The following GNB5 variants were observed in gnomAD, a reference collection of about 807,000 sequenced individuals.
The protein encoded by GNB5 is G protein subunit beta 5.
In GNB5, 37 loss-of-function variants were observed where a neutral mutation model predicts 55.3. The observed-to-expected ratio is 0.67, with a 90% CI of 0.51 to 0.88. The LOEUF (loss-of-function observed/expected upper bound fraction) is 0.88. Ranked by LOEUF, GNB5 falls within the 40% of genes least tolerant of loss-of-function variation. GNB5 has a pLI of 0.00. For missense variants in GNB5, 476 were observed against 515.3 expected, an observed-to-expected ratio of 0.92 and a Z score of 0.74; for synonymous variants, 219 against 198.5, an observed-to-expected ratio of 1.10 and a Z score of -0.87.
chr15:52,162,410 T>C (rs2034354743), intron 3 of GNB5, among the ~76,000 whole-genome samples: 1 of 152,004 alleles, frequency 6.6e-6, no homozygotes, highest in Non-Finnish European at 1.5e-5. Context: ...ATTTATAAAG[T>C]GAAAATTCAC....
At chr15:52,135,030 C>G (rs971420716) in intron 8 of GNB5, among the ~76,000 whole-genome samples, 1 of 152,044 alleles carries the variant, frequency 6.6e-6, no homozygotes. Context: ...ACCCTGACTC[C>G]TAGTCTAGTG....
chr15:52,150,728 T>C (rs1249142412), intron 4 of GNB5, among the ~76,000 whole-genome samples: 2 of 152,176 alleles, frequency 1.3e-5, no homozygotes, highest in Non-Finnish European at 2.9e-5. Flanking sequence ...TACAGCATCA[T>C]CTATTTGTAA....
intron 3 of GNB5, among the ~76,000 whole-genome samples, chr15:52,169,811 A>C (rs764947690): frequency 6.6e-6 from 1 of 152,188 alleles, no homozygotes; most frequent in Non-Finnish European, 1.5e-5. Flanking sequence ...AATGTTTGTG[A>C]TCTATCCATC....
chr15:52,152,926 G>A (rs910491990), intron 4 of GNB5, among the ~76,000 whole-genome samples: 2 of 152,224 alleles, frequency 1.3e-5, no homozygotes, highest in Admixed American at 1.3e-4. Context: ...TAACCAGCCT[G>A]TAGAATATGT....
chr15:52,183,106 C>A (rs921432516), intron 2 of GNB5, among the ~76,000 whole-genome samples: 3 of 152,152 alleles, frequency 2.0e-5, no homozygotes, highest in African/African-American at 7.2e-5. Flanking sequence ...GAGCCGAGAT[C>A]GTGCCACTGC....
chr15:52,182,877 C>T (rs1442270902), intron 2 of GNB5, among the ~76,000 whole-genome samples: 4 of 152,130 alleles, frequency 2.6e-5, no homozygotes, highest in African/African-American at 9.7e-5. Flanking sequence ...GTGGGCCGGG[C>T]GCAGTGGTTC....
At chr15:52,126,201 G>A (rs962268850) in intron 10 of GNB5, 157 bp from the exon 11 acceptor site, 3 of 563,280 alleles carry the variant, frequency 5.3e-6, no homozygotes, top group African/African-American at 3.8e-5. Flanking sequence ...CTTTAGTCCC[G>A]ACTCCTGTTA....
intron 3 of GNB5, among the ~76,000 whole-genome samples, chr15:52,178,509 A>G (rs911728386): frequency 6.6e-6 from 1 of 152,198 alleles, no homozygotes; most frequent in Non-Finnish European, 1.5e-5. Flanking sequence ...TGGAGAAGAA[A>G]GGCAGAAGGA....
Position 52,117,114 on chromosome 15 carries a change from T to TTTTTTTTTTTTTTGG in GNB5, c.*5642_*5643insCCAAAAAAAAAAAAA, listed in dbSNP as rs1341100858. 2.3e-5 allele frequency: 2 copies of TTTTTTTTTTTTTTGG among 85,592 alleles called. No homozygotes were observed. The highest frequency in any genetic ancestry group is 1.1e-4 in the African/African-American group (2 of 18,750). The allele number at this position is 85,592 out of a possible 1,614,324, so 5.3% of individuals were successfully genotyped here. A position where few individuals can be genotyped will look rare whatever the true frequency, so the allele number is the denominator to read the frequency against. ...AATATATATATATATTTTTTTTTAG[T>TTTTTTTTTTTTTTGG]ACAGACAGGGTTTCACCGTGTTAGC... On this transcript the variant is annotated 3_prime_UTR_variant, in exon 13 of 13. Coordinates refer to ENST00000261837, the MANE Select transcript of GNB5 (RefSeq NM_016194.4).
rs12900975 is a variant in GNB5, at chr15:52,121,503, T to A, written c.*1254A>T. 27 of 66,148 alleles carry A rather than the reference T, an allele frequency of 4.1e-4. No individual in the cohort carries two copies. Among genetic ancestry groups the A allele is most frequent in the African/African-American group, 1.5e-3 (24 of 15,722 alleles). The allele number at this position is 66,148 out of a possible 1,614,324, so 4.1% of individuals were successfully genotyped here. A position where few individuals can be genotyped will look rare whatever the true frequency, so the allele number is the denominator to read the frequency against. On this transcript the variant is annotated 3_prime_UTR_variant, in exon 13 of 13. Transcript: ENST00000261837. ...CTGAGTCTCAAATAAAGAGAAGATC[T>A]TCTTTTAATATCGTTTTTCTATGTA...
Position 52,117,102 on chromosome 15 carries a change from A to ATATATATATATATATATATAAT in GNB5, c.*5654_*5655insATTATATATATATATATATATA. ...CCACGCCCAGCTAATATATATATAT[A>ATATATATATATATATATATAAT]TTTTTTTTTAGTACAGACAGGGTTT... is the stretch of plus-strand genomic sequence containing the variant. On this transcript the variant is annotated 3_prime_UTR_variant, in exon 13 of 13. Transcript: ENST00000261837. 44 of 87,094 alleles carry ATATATATATATATATATATAAT rather than the reference A, an allele frequency of 5.1e-4. 4 individuals carry two copies. Among genetic ancestry groups the ATATATATATATATATATATAAT allele is most frequent in the African/African-American group, 2.5e-3 (41 of 16,440 alleles). The allele number at this position is 87,094 out of a possible 1,614,324, so 5.4% of individuals were successfully genotyped here.
intron 3 of GNB5, among the ~76,000 whole-genome samples, chr15:52,154,509 A>T (rs773084807): frequency 1.4e-4 from 21 of 152,194 alleles, no homozygotes; most frequent in Non-Finnish European, 1.6e-4. Flanking sequence ...TCTGGTTAAG[A>T]CAAGTTCATA....
At chr15:52,156,660 G>A (rs529806043) in intron 3 of GNB5, among the ~76,000 whole-genome samples, 4 of 152,258 alleles carry the variant, frequency 2.6e-5, no homozygotes, top group South Asian at 2.1e-4. Flanking sequence ...GAGCCCGGGG[G>A]CAAAGGTCGC....
chr15:52,151,017 G>A (rs2034081399), intron 4 of GNB5, among the ~76,000 whole-genome samples: 1 of 152,242 alleles, frequency 6.6e-6, no homozygotes, highest in African/African-American at 2.4e-5. Flanking sequence ...TGCTTTGCAT[G>A]AGCTGACGGA....
At chr15:52,143,114 C>G (rs996889420) in intron 6 of GNB5, among the ~76,000 whole-genome samples, 3 of 151,414 alleles carry the variant, frequency 2.0e-5, no homozygotes, top group Non-Finnish European at 4.4e-5. Flanking sequence ...GAGACCACAC[C>G]ACCGCACTCC....
rs1240159778 is a variant in GNB5 at position 52,121,825 on chromosome 15, C to T, written c.*932G>A. 2 of 152,076 alleles carry T rather than the reference C, an allele frequency of 1.3e-5. No individual in the cohort carries two copies. The highest frequency in any genetic ancestry group is 4.8e-5 in the African/African-American group (2 of 41,404). 9.4% of individuals were successfully genotyped at this position (152,076 alleles called of 1,614,324 possible). Reference sequence around the variant, plus strand: ...TTCACCGTGGTCTCGAACTCCTGACCTCGTGATCCGCCCGCCTCGGCCTCC... The same window carrying T: ...TTCACCGTGGTCTCGAACTCCTGACTTCGTGATCCGCCCGCCTCGGCCTCC... On this transcript the variant is annotated 3_prime_UTR_variant, in exon 13 of 13. Coordinates refer to ENST00000261837, the MANE Select transcript of GNB5 (RefSeq NM_016194.4).
At chr15:52,128,965 T>TC (rs1457765567) in intron 9 of GNB5, among the ~76,000 whole-genome samples, 9 of 150,660 alleles carry the variant, frequency 6.0e-5, no homozygotes, top group Admixed American at 3.3e-4. Flanking sequence ...TTTTTTTTTT[T>TC]TTTTTTTTGA....
chr15:52,154,032 T>C lies in GNB5; in HGVS notation c.283A>G (p.Met95Val), dbSNP rs146250603. Residue 95 changes from methionine (M) to valine (V), a missense_variant, in exon 4 of 13, where the codon ATG becomes GTG. Physicochemically the swap from Met to Val is conservative, Grantham distance 21 (BLOSUM62 1). Coordinates refer to ENST00000261837, the MANE Select transcript of GNB5 (RefSeq NM_016194.4). ...CCTTTGAGGGTCCTTCTGGTCTTCA[T>C]GACAAACTGCCCCAGGGCCTCCACC... Reference protein sequence around the residue: ...ERVEALGQFVMKTRRTLKGHG... With the variant: ...ERVEALGQFVVKTRRTLKGHG... The C allele has an allele frequency of 1.9e-6, 3 of 1,614,144 alleles. No homozygotes were observed. Among genetic ancestry groups the C allele is most frequent in the African/African-American group, 1.3e-5 (1 of 75,054 alleles).
intron 9 of GNB5, among the ~76,000 whole-genome samples, chr15:52,130,824 CATTTT>C (rs1379332581): frequency 3.3e-5 from 5 of 152,086 alleles, no homozygotes; most frequent in East Asian, 1.9e-4. Context: ...AGAGAGTGTG[CATTTT>C]ATTTTATTAT....
Sources: gnomAD v4.1 joint callset for allele counts (sites outside exome capture counted in the v4.1 genomes callset) on GRCh38, gnomAD v4.1.1 for gene constraint, MANE v1.5 for transcripts, NCBI Gene and HGNC (gene_info 2026-07-23, HGNC 2026-07-21) for gene names.